FRY: variants seen among roughly 807,000 people sequenced by gnomAD.
The protein encoded by FRY is FRY microtubule binding protein, also known as protein furry homolog.
Under a neutral mutation model 348.4 loss-of-function variants are expected in FRY, and 128 were observed. That is an observed-to-expected ratio of 0.37 (90% confidence interval 0.32 to 0.43). The LOEUF (loss-of-function observed/expected upper bound fraction) is 0.43, where lower values mean the gene tolerates loss of function less well. Ranked by LOEUF, FRY falls within the 20% of genes least tolerant of loss-of-function variation. The pLI, the probability that FRY is intolerant of heterozygous loss-of-function variation, is 1.00. For missense variants in FRY, 2,736 were observed against 3,695.2 expected (o/e 0.74, Z 6.73); for synonymous variants, 1,370 against 1,374.7 (o/e 1.00, Z 0.08).
chr13:32,051,883 A>T (rs556886269), intron 1 of FRY, among the ~76,000 whole-genome samples: 1 of 152,266 alleles, frequency 6.6e-6, no homozygotes, highest in African/African-American at 2.4e-5. Context: ...GTGATCAATC[A>T]TAACATGGAT....
intron 7 of FRY, among the ~76,000 whole-genome samples, chr13:32,131,470 C>T (rs764637099): frequency 3.9e-5 from 6 of 152,162 alleles, no homozygotes; most frequent in Non-Finnish European, 8.8e-5. Flanking sequence ...GAGCATCTTA[C>T]AGTATAAGAA....
In FRY at chr13:32,291,248, A is replaced by G. The variant is rs532730079; in HGVS notation, c.8580+1505A>G. The stretch of plus-strand genomic sequence containing the variant: ...CTCAGTTTGAAAAAAGGAAAAAACT[A>G]TACGACTTTATACTTTCAAATGCTT... On this transcript the variant is annotated intron_variant, in intron 59 of 60. Coordinates refer to ENST00000542859, the MANE Select transcript of FRY (RefSeq NM_023037.3). Among the ~76,000 whole-genome samples the G allele has an allele frequency of 9.9e-5, 15 of 152,282 alleles. No individual in the cohort carries two copies. In the South Asian group the frequency reaches 1.7e-3, roughly 17 times the overall value.
At chr13:32,181,994 G>A (rs971215907) in intron 23 of FRY, among the ~76,000 whole-genome samples, 14 of 152,114 alleles carry the variant, frequency 9.2e-5, no homozygotes, top group African/African-American at 3.4e-4. Flanking sequence ...GTCTGCATTG[G>A]AGAAATCAGG....
chr13:32,054,896 TAAAG>T (rs991312732), intron 1 of FRY, among the ~76,000 whole-genome samples: 3 of 151,854 alleles, frequency 2.0e-5, no homozygotes, highest in African/African-American at 4.8e-5. Flanking sequence ...AATAAATAAA[TAAAG>T]AAAATAAAAG....
intron 7 of FRY, among the ~76,000 whole-genome samples, 190 bp downstream of exon 7, chr13:32,125,065 C>T (rs1878939040): frequency 6.6e-6 from 1 of 152,208 alleles, no homozygotes; most frequent in Non-Finnish European, 1.5e-5. Context: ...TTACTTGGCA[C>T]TTGGGCCAGA....
At chr13:32,066,441 T>C (rs1377069820) in intron 1 of FRY, among the ~76,000 whole-genome samples, 1 of 152,228 alleles carries the variant, frequency 6.6e-6, no homozygotes, top group Non-Finnish European at 1.5e-5. Context: ...CTCCCAGGTA[T>C]ACATCCCTAA....
intron 10 of FRY, 137 bp downstream of exon 10, chr13:32,135,320 T>A: frequency 1.5e-6 from 1 of 681,012 alleles, no homozygotes; most frequent in Non-Finnish European, 2.6e-6. Flanking sequence ...GAGGCAGCAT[T>A]TGAAACTGAA....
At chr13:32,082,952 T>C (rs899045960) in intron 2 of FRY, among the ~76,000 whole-genome samples, 5 of 152,166 alleles carry the variant, frequency 3.3e-5, no homozygotes, top group Non-Finnish European at 7.4e-5. Context: ...TGGAGACTCT[T>C]GTGCTTCTTA....
At chr13:32,099,091 C>A (rs1232519855) in intron 2 of FRY, among the ~76,000 whole-genome samples, 1 of 151,692 alleles carries the variant, frequency 6.6e-6, no homozygotes, top group East Asian at 1.9e-4. Flanking sequence ...AATGATTAGA[C>A]CCACAGTGAG....
rs1259494908 is a variant in FRY, at chr13:32,211,010, A to G, written c.4567A>G (p.Ser1523Gly). The change falls in exon 34 of 61, where the codon AGC (serine) becomes GGC (glycine). Residue 1523 changes from serine to glycine, a missense_variant. Transcript: ENST00000542859. ...NPPFYRFTAS[S>G]KASAAASGTT... Reference sequence around the variant, plus strand: ...GCCCTTCTACCGCTTCACGGCCAGTAGCAAGGCTTCCGCAGCAGCCTCAGG... The same window carrying G: ...GCCCTTCTACCGCTTCACGGCCAGTGGCAAGGCTTCCGCAGCAGCCTCAGG... 1 of 1,613,928 alleles carries G rather than the reference A, an allele frequency of 6.2e-7. No homozygotes were observed. Among genetic ancestry groups the G allele is most frequent in the East Asian group, 2.2e-5 (1 of 44,906 alleles).
At chr13:32,204,736 TA>T (rs1418486647) in intron 31 of FRY, among the ~76,000 whole-genome samples, 1 of 152,222 alleles carries the variant, frequency 6.6e-6, no homozygotes. Flanking sequence ...AGAGACCCAA[TA>T]AAAGCCTTTT....
In FRY at chr13:32,228,581, G is replaced by A; in HGVS notation, c.5332G>A (p.Glu1778Lys). Residue 1778 changes from glutamate to lysine, a missense_variant, in exon 40 of 61, where the codon GAG (glutamate) becomes AAG (lysine). Transcript: ENST00000542859. The stretch of plus-strand genomic sequence containing the variant: ...TGGAAACCTCCCACAGATGACCCAG[G>A]AGGTAGAAGATGTGGACACAGCTGC... ...SSGNLPQMTQ[E>K]VEDVDTAAET... The A allele has an allele frequency of 1.2e-6, 2 of 1,614,106 alleles. No homozygotes were observed. Among genetic ancestry groups the A allele is most frequent in the Non-Finnish European group, 1.7e-6 (2 of 1,179,966 alleles).
intron 1 of FRY, among the ~76,000 whole-genome samples, chr13:32,036,999 G>A (rs1872541658): frequency 6.7e-6 from 1 of 148,296 alleles, no homozygotes; most frequent in African/African-American, 2.5e-5. Flanking sequence ...CCTGCTCTTT[G>A]TCTCTCTGTT....
intron 1 of FRY, among the ~76,000 whole-genome samples, chr13:32,063,092 T>C (rs1337583169): frequency 6.6e-6 from 1 of 152,192 alleles, no homozygotes; most frequent in African/African-American, 2.4e-5. Flanking sequence ...CAAGTCACCC[T>C]CTGCATCATG....
At chr13:32,220,583 T>C (rs185109838) in intron 36 of FRY, among the ~76,000 whole-genome samples, 1 of 152,190 alleles carries the variant, frequency 6.6e-6, no homozygotes, top group East Asian at 1.9e-4. Context: ...AAATGGAGAG[T>C]TGGTTCAAGA....
chr13:32,089,486 G>A (rs912005167), intron 2 of FRY, among the ~76,000 whole-genome samples: 7 of 152,070 alleles, frequency 4.6e-5, no homozygotes, highest in Non-Finnish European at 8.8e-5. Context: ...ATGTCTGGTG[G>A]GCACAGTGGC....
intron 58 of FRY, chr13:32,287,713 C>T (rs909317882): frequency 2.0e-5 from 4 of 204,846 alleles, no homozygotes; most frequent in African/African-American, 7.0e-5. Flanking sequence ...TGAATGGGTA[C>T]GACATTTGCA....
chr13:32,154,536 C>T (rs1156988900), intron 14 of FRY, among the ~76,000 whole-genome samples: 6 of 152,180 alleles, frequency 3.9e-5, no homozygotes, highest in Non-Finnish European at 4.4e-5. Flanking sequence ...TCAGTTTCCT[C>T]ACCTGAAAAA....
rs551272129 is a variant in FRY, at chr13:32,291,254, C to T, written c.8580+1511C>T. Among the ~76,000 whole-genome samples, 18 of 152,230 alleles carry T rather than the reference C, an allele frequency of 1.2e-4. 1 individual carries two copies. The South Asian group carries it at 3.7e-3, about 32-fold the overall frequency. ...TTGAAAAAAGGAAAAAACTATACGACTTTATACTTTCAAATGCTTATTTCA... is the reference window on the plus strand; with the variant it reads ...TTGAAAAAAGGAAAAAACTATACGATTTTATACTTTCAAATGCTTATTTCA... On this transcript the variant is annotated intron_variant, in intron 59 of 60. Transcript: ENST00000542859.
Sources: gnomAD v4.1 joint callset for allele counts (sites outside exome capture counted in the v4.1 genomes callset) on GRCh38, gnomAD v4.1.1 for gene constraint, MANE v1.5 for transcripts, NCBI Gene and HGNC (gene_info 2026-07-23, HGNC 2026-07-21) for gene names.